LPP: variants seen among roughly 807,000 people sequenced by gnomAD.
LPP encodes the protein LIM domain containing preferred translocation partner in lipoma.
LPP carries 38 observed loss-of-function variants against 60.4 expected under a neutral mutation model. The observed-to-expected ratio is 0.63, with a 90% confidence interval of 0.49 to 0.83. The LOEUF is 0.83. LPP is among the 40% of genes least tolerant of loss of function. The pLI, the probability that LPP is intolerant of heterozygous loss-of-function variation, is 0.00. For synonymous variants in LPP, 328 were observed against 290.8 expected (o/e 1.13, Z -1.30); for missense variants, 902 against 783.6 (o/e 1.15, Z -1.80).
intron 3 of LPP, among the ~76,000 whole-genome samples, chr3:188,349,663 C>T (rs1230519062): frequency 1.3e-5 from 2 of 152,162 alleles, no homozygotes; most frequent in African/African-American, 4.8e-5. Context: ...TGCCTCCTAT[C>T]CTCTGCAATA....
At chr3:188,860,543 C>T (rs1306308039) in intron 9 of LPP, among the ~76,000 whole-genome samples, 2 of 152,040 alleles carry the variant, frequency 1.3e-5, no homozygotes, top group Admixed American at 6.5e-5. Flanking sequence ...CCGAATCCTC[C>T]CAAATATGGT....
At position 188,221,604 on chromosome 3, in the gene LPP, G is replaced by A. The variant is rs575400705; in HGVS notation, c.-189-3801G>A. 5.3e-5 allele frequency among the ~76,000 whole-genome samples: 8 copies of A among 152,136 alleles called. No individual in the cohort carries two copies. In the South Asian group the frequency reaches 1.0e-3, roughly 20 times the overall value. On this transcript the variant is annotated intron_variant, in intron 1 of 11. Transcript: ENST00000617246. ...TGTTTGATCATGAGCCCGGCCATTC[G>A]AATTGTTTTTGAATTGGTCTGATAT...
At chr3:188,489,347 A>C (rs772282654) in intron 5 of LPP, among the ~76,000 whole-genome samples, 2 of 152,172 alleles carry the variant, frequency 1.3e-5, no homozygotes, top group Non-Finnish European at 2.9e-5. Flanking sequence ...GAGGGAAGTA[A>C]ATTAACTGTG....
intron 4 of LPP, among the ~76,000 whole-genome samples, chr3:188,462,828 C>T (rs577581786): frequency 8.6e-5 from 13 of 151,728 alleles, no homozygotes; most frequent in East Asian, 3.9e-4. Flanking sequence ...CTTTTCTAGC[C>T]GAGCACGGTG....
At chr3:188,224,973 G>C (rs1717199569) in intron 1 of LPP, among the ~76,000 whole-genome samples, 1 of 152,098 alleles carries the variant, frequency 6.6e-6, no homozygotes, top group African/African-American at 2.4e-5. Flanking sequence ...TCCCTCTGCT[G>C]CTCACTGATT....
intron 2 of LPP, among the ~76,000 whole-genome samples, chr3:188,333,233 C>T (rs1191801712): frequency 6.6e-6 from 1 of 152,074 alleles, no homozygotes; most frequent in Non-Finnish European, 1.5e-5. Flanking sequence ...TAGATATTAG[C>T]ACAACAATTG....
chr3:188,319,080 G>C (rs1756158921), intron 2 of LPP, among the ~76,000 whole-genome samples: 1 of 152,182 alleles, frequency 6.6e-6, no homozygotes, highest in African/African-American at 2.4e-5. Context: ...TCTTTGAAAA[G>C]GATTTTTCTC....
intron 9 of LPP, among the ~76,000 whole-genome samples, chr3:188,788,324 C>T (rs207464165): frequency 6.6e-6 from 1 of 152,162 alleles, no homozygotes; most frequent in Non-Finnish European, 1.5e-5. Context: ...GAGAGATTGT[C>T]TCATGCCTGT....
chr3:188,460,038 G>A lies in LPP; in HGVS notation c.194-24554G>A, dbSNP rs554027284. Among the ~76,000 whole-genome samples the A allele has an allele frequency of 8.5e-5, 13 of 152,278 alleles. No homozygotes were observed. The East Asian group carries it at 2.5e-3, about 29-fold the overall frequency. ...TTGATGAAATCATTTTGCACACTGA[G>A]TAAATTAGTCAATTATGTAAAAATT... On this transcript the variant is annotated intron_variant, in intron 4 of 11. Coordinates refer to ENST00000617246, the MANE Select transcript of LPP (RefSeq NM_001375462.1).
At chr3:188,742,153 G>A (rs765767985) in intron 8 of LPP, among the ~76,000 whole-genome samples, 2 of 152,076 alleles carry the variant, frequency 1.3e-5, no homozygotes, top group Admixed American at 6.6e-5. Context: ...CCAAGCATTA[G>A]CTAAAAGACA....
chr3:188,513,274 T>G (rs1816353363), intron 5 of LPP, among the ~76,000 whole-genome samples: 1 of 152,250 alleles, frequency 6.6e-6, no homozygotes, highest in African/African-American at 2.4e-5. Context: ...ACTGGTAAGG[T>G]GACGCTCTAG....
rs1229769604 is a variant in LPP at position 188,774,135 on chromosome 3, A to G, written c.1410+13853A>G. Among the ~76,000 whole-genome samples, 4 of 152,284 alleles carry G rather than the reference A, an allele frequency of 2.6e-5. No homozygotes were observed. In the East Asian group the frequency reaches 7.7e-4, roughly 29 times the overall value. Reference sequence around the variant, plus strand: ...CTTAGCTTCTACCTTGCACTTAAATAAATTTATGCTAACAGATGTCCTGTC... The same window carrying G: ...CTTAGCTTCTACCTTGCACTTAAATGAATTTATGCTAACAGATGTCCTGTC... On this transcript the variant is annotated intron_variant, in intron 9 of 11. Transcript: ENST00000617246.
At chr3:188,522,133 A>G (rs1260381151) in intron 5 of LPP, among the ~76,000 whole-genome samples, 1 of 152,242 alleles carries the variant, frequency 6.6e-6, no homozygotes, top group African/African-American at 2.4e-5. Context: ...ATCTGTTTCC[A>G]GTATACAGAC....
intron 2 of LPP, among the ~76,000 whole-genome samples, chr3:188,266,355 G>A (rs904012518): frequency 6.6e-6 from 1 of 152,092 alleles, no homozygotes; most frequent in East Asian, 1.9e-4. Context: ...GCTTTCTGCC[G>A]CACAGACAGA....
intron 4 of LPP, among the ~76,000 whole-genome samples, chr3:188,413,545 G>A (rs1270914717): frequency 6.6e-6 from 1 of 152,044 alleles, no homozygotes; most frequent in African/African-American, 2.4e-5. Flanking sequence ...TAAGCATCTC[G>A]AGCCTCATCC....
chr3:188,217,914 C>T lies in LPP; in HGVS notation c.-189-7491C>T, dbSNP rs544529852. On this transcript the variant is annotated intron_variant, in intron 1 of 11. Coordinates refer to ENST00000617246, the MANE Select transcript of LPP (RefSeq NM_001375462.1). This position sits in a 1 kb window ranked among gnomAD's most constrained non-coding sequence, Gnocchi z 4.0. ...ACGCCCCAAAATAAGCCCTGCAGAA[C>T]GTGCAGCTTCCTTTGCTCTCCCTGG... Among the ~76,000 whole-genome samples the T allele has an allele frequency of 1.3e-3, 200 of 152,326 alleles. No individual in the cohort carries two copies. The highest frequency in any genetic ancestry group is 4.5e-3 in the African/African-American group (189 of 41,576).
In LPP at chr3:188,442,172, G is replaced by A. The variant is rs746176697; in HGVS notation, c.193+35859G>A. On this transcript the variant is annotated intron_variant, in intron 4 of 11. Coordinates refer to ENST00000617246, the MANE Select transcript of LPP (RefSeq NM_001375462.1). ...AAGTTCTAGGGTACATGTGCACAACGTGCAGGTTTGTTACATAGGTATACA... is the reference window on the plus strand; with the variant it reads ...AAGTTCTAGGGTACATGTGCACAACATGCAGGTTTGTTACATAGGTATACA... 1.2e-4 allele frequency among the ~76,000 whole-genome samples: 18 copies of A among 152,124 alleles called. 1 individual carries two copies. The highest frequency in any genetic ancestry group is 2.7e-4 in the African/African-American group (11 of 41,498).
At chr3:188,652,989 G>C (rs1852399629) in intron 7 of LPP, among the ~76,000 whole-genome samples, 1 of 152,150 alleles carries the variant, frequency 6.6e-6, no homozygotes, top group South Asian at 2.1e-4. Flanking sequence ...CTCTAACACT[G>C]GTTTGGAAGT....
chr3:188,474,182 TA>T (rs1476821900), intron 4 of LPP, among the ~76,000 whole-genome samples: 1 of 152,250 alleles, frequency 6.6e-6, no homozygotes, highest in Non-Finnish European at 1.5e-5. Context: ...TTTATAGCAA[TA>T]ATATCATTAC....
Sources: gnomAD v4.1 joint callset for allele counts (sites outside exome capture counted in the v4.1 genomes callset) on GRCh38, gnomAD v4.1.1 for gene constraint, Gnocchi (gnomAD v3.1) non-coding constraint, MANE v1.5 for transcripts, NCBI Gene and HGNC (gene_info 2026-07-23, HGNC 2026-07-21) for gene names.